Variants in GPC6 observed in about 807,000 individuals in gnomAD.
GPC6 encodes glypican-6.
Under a neutral mutation model 55.2 loss-of-function variants are expected in GPC6, and 14 were observed. The ratio of observed to expected loss-of-function variants is 0.25; its 90% confidence interval spans 0.17 to 0.40. The LOEUF is 0.40. GPC6 is among the 10% of genes least tolerant of loss of function. The pLI is 1.00. For synonymous variants in GPC6, 278 were observed against 259.6 expected, an observed-to-expected ratio of 1.07 and a Z score of -0.68; for missense variants, 641 against 708.5, an observed-to-expected ratio of 0.90 and a Z score of 1.08.
intron 5 of GPC6, among the ~76,000 whole-genome samples, chr13:94,291,891 T>C (rs72632651): frequency 0.039 from 5,987 of 152,182 alleles, 256 homozygotes; most frequent in East Asian, 0.2. Context: ...AGTTGTAAAG[T>C]TTAGAAATTA....
At chr13:93,922,692 G>T (rs1265614585) in intron 3 of GPC6, among the ~76,000 whole-genome samples, 1 of 152,118 alleles carries the variant, frequency 6.6e-6, no homozygotes, top group Non-Finnish European at 1.5e-5. Context: ...TGGCTAAAAT[G>T]CATATAATTT....
chr13:93,622,614 A>G (rs767730906), intron 2 of GPC6, among the ~76,000 whole-genome samples: 9 of 152,024 alleles, frequency 5.9e-5, no homozygotes, highest in Non-Finnish European at 1.3e-4. Context: ...ATTTATTTTT[A>G]GTTTTATTTT....
At chr13:93,303,801 C>T (rs1306665013) in intron 1 of GPC6, among the ~76,000 whole-genome samples, 1 of 151,410 alleles carries the variant, frequency 6.6e-6, no homozygotes, top group Non-Finnish European at 1.5e-5. Flanking sequence ...AGCAAGGCAG[C>T]GTCCATAGAG....
chr13:94,330,314 G>C (rs534718668), intron 6 of GPC6, among the ~76,000 whole-genome samples: 1 of 152,188 alleles, frequency 6.6e-6, no homozygotes, highest in Non-Finnish European at 1.5e-5. Flanking sequence ...GACCTTGGGC[G>C]AGTCAGTTAA....
At chr13:94,399,143 C>G (rs1395371364) in intron 8 of GPC6, among the ~76,000 whole-genome samples, 1 of 152,176 alleles carries the variant, frequency 6.6e-6, no homozygotes, top group African/African-American at 2.4e-5. Flanking sequence ...GGAAGCATCC[C>G]TGCTTCAGAG....
intron 6 of GPC6, among the ~76,000 whole-genome samples, chr13:94,342,251 G>T (rs897483687): frequency 1.3e-5 from 2 of 152,230 alleles, no homozygotes; most frequent in Admixed American, 1.3e-4. Context: ...ATATGTCGAA[G>T]TCCTAACTTC....
intron 1 of GPC6, among the ~76,000 whole-genome samples, chr13:93,417,103 G>A (rs887365899): frequency 2.0e-5 from 3 of 152,086 alleles, no homozygotes; most frequent in Admixed American, 6.6e-5. Flanking sequence ...ATATGTTTTA[G>A]GATGTACTGT....
intron 2 of GPC6, among the ~76,000 whole-genome samples, chr13:93,726,934 T>C (rs916202579): frequency 1.3e-5 from 2 of 152,096 alleles, no homozygotes; most frequent in Non-Finnish European, 2.9e-5. Context: ...TGCAGGATAA[T>C]GTTGATGAGA....
intron 1 of GPC6, among the ~76,000 whole-genome samples, chr13:93,464,126 T>A (rs552860849): frequency 3.9e-5 from 6 of 152,196 alleles, no homozygotes; most frequent in Non-Finnish European, 8.8e-5. Flanking sequence ...GCTAAAAAAA[T>A]GATAATGATC....
chr13:94,122,251 G>A lies in GPC6; in HGVS notation c.877+94357G>A, dbSNP rs534232710. On this transcript the variant is annotated intron_variant, in intron 4 of 8. Transcript: ENST00000377047. ...CTACTGTGTGCCATGTTTTGTGTTG[G>A]GCACTTTGCAGGCTTTTCTCATTTA... Among the ~76,000 whole-genome samples, 198 of 151,984 alleles carry A rather than the reference G, an allele frequency of 1.3e-3. 3 individuals are homozygous for A. The highest frequency in any genetic ancestry group is 4.7e-3 in the African/African-American group (193 of 41,498).
chr13:93,611,812 T>A (rs185877071), intron 2 of GPC6, among the ~76,000 whole-genome samples: 32 of 152,324 alleles, frequency 2.1e-4, no homozygotes, highest in African/African-American at 6.7e-4. Flanking sequence ...GCTTTTAATT[T>A]TAATAATAAA....
chr13:94,391,443 C>A (rs985322137), intron 7 of GPC6, among the ~76,000 whole-genome samples: 1 of 152,146 alleles, frequency 6.6e-6, no homozygotes. Context: ...GATGTCAGAT[C>A]TCATGAAGTC....
intron 3 of GPC6, among the ~76,000 whole-genome samples, chr13:93,848,737 G>C (rs1888289934): frequency 6.6e-6 from 1 of 151,944 alleles, no homozygotes; most frequent in Non-Finnish European, 1.5e-5. Context: ...TTGCGGCCTG[G>C]TATCTTTAGT....
chr13:94,262,725 A>C (rs1891691994), intron 4 of GPC6, among the ~76,000 whole-genome samples: 1 of 152,134 alleles, frequency 6.6e-6, no homozygotes, highest in Non-Finnish European at 1.5e-5. Context: ...TAAACTTGAA[A>C]CATGCTTAGA....
intron 4 of GPC6, among the ~76,000 whole-genome samples, chr13:94,268,986 C>A (rs1594114479): frequency 6.6e-6 from 1 of 152,120 alleles, no homozygotes; most frequent in African/African-American, 2.4e-5. Context: ...GGAGGGCATC[C>A]AATTCTGTTC....
chr13:94,272,677 C>CCCT (rs1892079635), intron 4 of GPC6, among the ~76,000 whole-genome samples: 1 of 151,794 alleles, frequency 6.6e-6, no homozygotes, highest in African/African-American at 2.4e-5. Flanking sequence ...ACCGTGTTAG[C>CCCT]CAGGATGGTC....
chr13:94,387,768 C>T (rs982707178), intron 7 of GPC6, among the ~76,000 whole-genome samples: 2 of 95,420 alleles, frequency 2.1e-5, no homozygotes, highest in African/African-American at 5.3e-5. Flanking sequence ...CTCTCTCTGC[C>T]GTGTGAGGAC....
chr13:94,189,132 A>C (rs553989764), intron 4 of GPC6, among the ~76,000 whole-genome samples: 2 of 152,266 alleles, frequency 1.3e-5, no homozygotes, highest in East Asian at 3.9e-4. Flanking sequence ...GAAATTCAGG[A>C]AACTGCTTAC....
At chr13:94,107,736 T>C (rs1886108289) in intron 4 of GPC6, among the ~76,000 whole-genome samples, 2 of 151,952 alleles carry the variant, frequency 1.3e-5, no homozygotes, top group South Asian at 2.1e-4. Flanking sequence ...AGGACATGAA[T>C]AGACAATTCT....
Sources: allele counts gnomAD v4.1 joint callset (sites outside exome capture counted in the v4.1 genomes callset), GRCh38; gene constraint gnomAD v4.1.1; transcripts MANE v1.5; gene names NCBI Gene and HGNC (gene_info 2026-07-23, HGNC 2026-07-21).